NPAS3: variants seen among roughly 807,000 people sequenced by gnomAD.
The protein encoded by NPAS3 is neuronal PAS domain protein 3, also known as neuronal PAS domain-containing protein 3.
Under a neutral mutation model 73.1 loss-of-function variants are expected in NPAS3, and 14 were observed. That is an observed-to-expected ratio of 0.19 (90% CI 0.13 to 0.30). The LOEUF is 0.30. NPAS3 is among the 10% of genes least tolerant of loss of function. NPAS3 has a pLI of 1.00. For synonymous variants in NPAS3, 620 were observed against 541.5 expected, an observed-to-expected ratio of 1.14 and a Z score of -2.01; for missense variants, 1,096 against 1,250.0, an observed-to-expected ratio of 0.88 and a Z score of 1.86.
At chr14:33,705,546 C>T (rs1363033380) in intron 6 of NPAS3, among the ~76,000 whole-genome samples, 7 of 152,108 alleles carry the variant, frequency 4.6e-5, no homozygotes, top group Non-Finnish European at 8.8e-5. Flanking sequence ...TTGCAAAACC[C>T]GTGTCTTTTG....
chr14:33,220,703 G>T (rs1300844197), intron 3 of NPAS3, among the ~76,000 whole-genome samples: 1 of 152,104 alleles, frequency 6.6e-6, no homozygotes, highest in Non-Finnish European at 1.5e-5. Flanking sequence ...AAAAGCTTTG[G>T]TGACTACAAA....
At chr14:33,763,518 C>T (rs2062363191) in intron 7 of NPAS3, among the ~76,000 whole-genome samples, 1 of 152,176 alleles carries the variant, frequency 6.6e-6, no homozygotes, top group Non-Finnish European at 1.5e-5. Context: ...GATTCAAATA[C>T]ACCCTGCTAA....
At chr14:33,274,491 C>T (rs999562935) in intron 3 of NPAS3, among the ~76,000 whole-genome samples, 9 of 152,130 alleles carry the variant, frequency 5.9e-5, no homozygotes, top group African/African-American at 2.2e-4. Context: ...GCTTCCAAGT[C>T]CTAATTATCT....
Position 32,999,113 on chromosome 14 carries a change from T to G in NPAS3, c.51-56792T>G, listed in dbSNP as rs913358402. On this transcript the variant is annotated intron_variant, in intron 1 of 11. Transcript: ENST00000356141. ...TTTTTGAATAGCAATTTTTGCTTCT[T>G]TAATTTCAGCTGTTGATTGTGGTAA... is the stretch of plus-strand genomic sequence containing the variant. 4.6e-5 allele frequency among the ~76,000 whole-genome samples: 7 copies of G among 152,366 alleles called. No individual in the cohort carries two copies. The East Asian group carries it at 1.3e-3, about 29-fold the overall frequency.
chr14:33,259,870 T>G (rs1053574973), intron 3 of NPAS3, among the ~76,000 whole-genome samples: 6 of 149,758 alleles, frequency 4.0e-5, no homozygotes, highest in East Asian at 2.0e-4. Context: ...TTTTTTTTTT[T>G]TGAGAGAGCA....
intron 3 of NPAS3, among the ~76,000 whole-genome samples, chr14:33,275,451 C>T (rs1297148247): frequency 6.6e-6 from 1 of 152,194 alleles, no homozygotes; most frequent in Non-Finnish European, 1.5e-5. Flanking sequence ...TGTAGCCCAC[C>T]ACTTTGATGT....
intron 4 of NPAS3, among the ~76,000 whole-genome samples, chr14:33,507,240 C>T (rs17101382): frequency 0.26 from 39,889 of 151,586 alleles, 6,137 homozygotes; most frequent in East Asian, 0.44. Flanking sequence ...TTTTGGTTAC[C>T]GGAGAGAAGT....
chr14:33,630,383 GCC>G (rs753357803), intron 5 of NPAS3, among the ~76,000 whole-genome samples: 1 of 152,198 alleles, frequency 6.6e-6, no homozygotes, highest in Non-Finnish European at 1.5e-5. Flanking sequence ...AATGGCTCCA[GCC>G]CCCTCCTAAC....
intron 2 of NPAS3, among the ~76,000 whole-genome samples, chr14:33,114,809 T>C (rs552222725): frequency 1.3e-5 from 2 of 152,144 alleles, no homozygotes; most frequent in Non-Finnish European, 1.5e-5. Flanking sequence ...CAGCTTCTAA[T>C]GTAAAAGAAG....
chr14:33,756,085 G>A (rs7153790), intron 7 of NPAS3, among the ~76,000 whole-genome samples: 46,196 of 152,072 alleles, frequency 0.3, 8,490 homozygotes, highest in African/African-American at 0.51. Context: ...TTTGGTGAGG[G>A]CAAATACCCA....
At chr14:33,292,523 T>A (rs1364783566) in intron 3 of NPAS3, among the ~76,000 whole-genome samples, 2 of 152,142 alleles carry the variant, frequency 1.3e-5, no homozygotes, top group African/African-American at 4.8e-5. Context: ...CCCTCAGATA[T>A]TTTTATTTTA....
intron 1 of NPAS3, among the ~76,000 whole-genome samples, chr14:32,941,906 T>C (rs2036032700): frequency 6.6e-6 from 1 of 152,236 alleles, no homozygotes; most frequent in South Asian, 2.1e-4. Flanking sequence ...GGGTTTTAAA[T>C]GCTCTTAACA....
chr14:33,161,599 G>A (rs17100290), intron 2 of NPAS3, among the ~76,000 whole-genome samples: 38,136 of 152,088 alleles, frequency 0.25, 4,937 homozygotes, highest in Middle Eastern at 0.41. Flanking sequence ...TAGTCTTAAA[G>A]GAGTATATTT....
chr14:33,244,691 G>C (rs2048320629), intron 3 of NPAS3, among the ~76,000 whole-genome samples: 1 of 152,026 alleles, frequency 6.6e-6, no homozygotes, highest in Non-Finnish European at 1.5e-5. Context: ...ATACTCTTTT[G>C]ACCGGTTCTC....
At chr14:33,416,226 T>A (rs2048140423) in intron 4 of NPAS3, among the ~76,000 whole-genome samples, 2 of 151,984 alleles carry the variant, frequency 1.3e-5, no homozygotes, top group Admixed American at 1.3e-4. Context: ...AATTCCCTGA[T>A]AATAAAACTG....
intron 2 of NPAS3, among the ~76,000 whole-genome samples, chr14:33,126,137 T>G (rs897098756): frequency 6.6e-6 from 1 of 152,198 alleles, no homozygotes; most frequent in South Asian, 2.1e-4. Context: ...CTACTGGTGG[T>G]GCATTGTTCA....
chr14:32,989,668 A>G (rs1436180827), intron 1 of NPAS3, among the ~76,000 whole-genome samples: 1 of 60,378 alleles, frequency 1.7e-5, no homozygotes, highest in African/African-American at 2.5e-4. Context: ...CAACAACAAC[A>G]ACAAAACAAA....
chr14:33,159,094 G>A (rs562621793), intron 2 of NPAS3, among the ~76,000 whole-genome samples: 15 of 152,074 alleles, frequency 9.9e-5, no homozygotes, highest in East Asian at 3.9e-4. Flanking sequence ...TCTGGGAGGC[G>A]GAAATTGCAA....
chr14:33,422,244 T>G (rs769911069), intron 4 of NPAS3, among the ~76,000 whole-genome samples: 43 of 152,050 alleles, frequency 2.8e-4, no homozygotes, highest in Middle Eastern at 3.4e-3. Context: ...TGGGGAAATA[T>G]CAAATAGTGT....
Sources: gnomAD v4.1 joint callset for allele counts (sites outside exome capture counted in the v4.1 genomes callset) on GRCh38, gnomAD v4.1.1 for gene constraint, MANE v1.5 for transcripts, NCBI Gene and HGNC (gene_info 2026-07-23, HGNC 2026-07-21) for gene names.